Variants in SRD5A1 observed in about 807,000 individuals in gnomAD.
The protein encoded by SRD5A1 is steroid 5 alpha-reductase 1.
SRD5A1 carries 22 observed loss-of-function variants against 28.2 expected under a neutral mutation model. The ratio of observed to expected loss-of-function variants is 0.78; its 90% CI spans 0.56 to 1.12. The LOEUF is 1.12. Ranked by LOEUF, SRD5A1 falls within the 50% of genes most tolerant of loss-of-function variation. The probability of loss-of-function intolerance (pLI) is 0.00; values close to 1 mark genes in which losing one functional copy is unlikely to be tolerated. For missense variants in SRD5A1, 300 were observed against 346.7 expected, an observed-to-expected ratio of 0.87 and a Z score of 1.07; for synonymous variants, 151 against 135.0, an observed-to-expected ratio of 1.12 and a Z score of -0.82.
intron 1 of SRD5A1, among the ~76,000 whole-genome samples, chr5:6,642,516 CAT>C (rs1488707380): frequency 2.6e-5 from 4 of 152,202 alleles, no homozygotes; most frequent in Non-Finnish European, 5.9e-5. Flanking sequence ...ACTGCAAACT[CAT>C]GTGAGCATGG....
chr5:6,636,342 A>G (rs1738185153), intron 1 of SRD5A1, among the ~76,000 whole-genome samples: 2 of 152,144 alleles, frequency 1.3e-5, no homozygotes, highest in Non-Finnish European at 2.9e-5. Context: ...AGAACGGAGA[A>G]CACCACACCC....
intron 3 of SRD5A1, 30 bp from the exon 4 acceptor site, chr5:6,662,786 T>G: frequency 1.2e-6 from 2 of 1,600,768 alleles, no homozygotes; most frequent in Non-Finnish European, 1.7e-6. Context: ...TTGTAGTAAA[T>G]GCACTACTTT....
chr5:6,636,917 G>A (rs1738198568), intron 1 of SRD5A1, among the ~76,000 whole-genome samples: 1 of 152,150 alleles, frequency 6.6e-6, no homozygotes, highest in African/African-American at 2.4e-5. Flanking sequence ...CCTGGAAGGG[G>A]ACAGGGCTGG....
chr5:6,662,897 C>G lies in SRD5A1; in HGVS notation c.644C>G (p.Ser215Cys). 2.5e-6 allele frequency: 4 copies of G among 1,613,766 alleles called. No individual in the cohort carries two copies. The highest frequency in any genetic ancestry group is 3.4e-6 in the Non-Finnish European group (4 of 1,180,042). ...TGTGGCTATGCCCTGGCCAGCTGGT[C>G]TGTCCAAGGCGCGGCTTTTGCTTTC... ...EWCGYALASWSVQGAAFAFFT... is the reference protein window; with the variant it reads ...EWCGYALASWCVQGAAFAFFT... Residue 215 changes from serine (S) to cysteine (C), a missense_variant, in exon 4 of 5, where the codon TCT (serine) becomes TGT (cysteine). By Grantham distance (112) the Ser-to-Cys change is moderately radical. Transcript: ENST00000274192.
At chr5:6,640,878 C>A (rs1299878609) in intron 1 of SRD5A1, among the ~76,000 whole-genome samples, 4 of 152,204 alleles carry the variant, frequency 2.6e-5, no homozygotes, top group African/African-American at 9.7e-5. Context: ...AATCCAAGTG[C>A]TTCATAGTTT....
At chr5:6,642,423 A>C (rs1043263304) in intron 1 of SRD5A1, among the ~76,000 whole-genome samples, 1 of 152,014 alleles carries the variant, frequency 6.6e-6, no homozygotes, top group Non-Finnish European at 1.5e-5. Context: ...TTAGATGGCA[A>C]CTCTTCCACT....
At chr5:6,649,034 C>G (rs1738588024) in intron 1 of SRD5A1, among the ~76,000 whole-genome samples, 1 of 152,200 alleles carries the variant, frequency 6.6e-6, no homozygotes, top group Admixed American at 6.5e-5. Context: ...CCCTGTTTGC[C>G]TGGGTATCAC....
rs537386818 is a variant in SRD5A1 at position 6,638,747 on chromosome 5, C to T, written c.293+4878C>T. ...ATGATGAAAAGTGAAATAATGATAG[C>T]CAAGCACTTATTTTAAGCATGCTTT... On this transcript the variant is annotated intron_variant, in intron 1 of 4. Transcript: ENST00000274192. Among the ~76,000 whole-genome samples the T allele has an allele frequency of 3.9e-5, 6 of 152,318 alleles. No individual in the cohort carries two copies. The Middle Eastern group carries it at 0.017, about 432-fold the overall frequency.
chr5:6,650,137 A>T (rs1260471509), intron 1 of SRD5A1, among the ~76,000 whole-genome samples: 2 of 152,134 alleles, frequency 1.3e-5, no homozygotes, highest in East Asian at 3.9e-4. Flanking sequence ...TGTTAAATTT[A>T]TTGGTATAAG....
Position 6,672,832 on chromosome 5 carries a change from A to G in SRD5A1, c.*4564A>G, listed in dbSNP as rs1739399927. 1 of 152,248 alleles carries G rather than the reference A, an allele frequency of 6.6e-6. No homozygotes were observed. The highest frequency in any genetic ancestry group is 2.4e-5 in the African/African-American group (1 of 41,464). 9.4% of individuals were successfully genotyped at this position (152,248 alleles called of 1,614,324 possible). ...TTCTTTTATTCAACAGAATTAAAAA[A>G]CTAGCTAGTTCTCTCAATAAAATAA... On this transcript the variant is annotated 3_prime_UTR_variant, in exon 5 of 5. Coordinates refer to ENST00000274192, the MANE Select transcript of SRD5A1 (RefSeq NM_001047.4).
chr5:6,650,952 C>A (rs577544014), intron 1 of SRD5A1, among the ~76,000 whole-genome samples: 3 of 151,852 alleles, frequency 2.0e-5, no homozygotes, highest in Non-Finnish European at 4.4e-5. Flanking sequence ...TCAATTGCCC[C>A]GATTTACATT....
intron 2 of SRD5A1, among the ~76,000 whole-genome samples, chr5:6,652,515 T>A (rs565390426): frequency 1.3e-5 from 2 of 152,300 alleles, no homozygotes; most frequent in African/African-American, 4.8e-5. Flanking sequence ...TAATTATAAC[T>A]TTTTAAGTTC....
chr5:6,640,531 CTT>C, intron 1 of SRD5A1, among the ~76,000 whole-genome samples: 1 of 146,378 alleles, frequency 6.8e-6, no homozygotes. Context: ...AAGTCTTATT[CTT>C]TTTTTTTTTT....
chr5:6,650,911 G>A (rs1738653173), intron 1 of SRD5A1, among the ~76,000 whole-genome samples: 1 of 149,090 alleles, frequency 6.7e-6, no homozygotes, highest in Non-Finnish European at 1.5e-5. Context: ...TTTTGTTCTT[G>A]TGATAGTTTA....
rs920072960 is a variant in SRD5A1, at chr5:6,667,615, G to A, written c.714-587G>A. Among the ~76,000 whole-genome samples, 12 of 152,174 alleles carry A rather than the reference G, an allele frequency of 7.9e-5. No individual in the cohort carries two copies. In the South Asian group the frequency reaches 8.3e-4, roughly 11 times the overall value. ...TATTATCCCCAAAACAAATGAGCACGCCTGCATTGATACAATTTATATCAA... is the reference window on the plus strand; with the variant it reads ...TATTATCCCCAAAACAAATGAGCACACCTGCATTGATACAATTTATATCAA... On this transcript the variant is annotated intron_variant, in intron 4 of 4. Coordinates refer to ENST00000274192, the MANE Select transcript of SRD5A1 (RefSeq NM_001047.4).
chr5:6,653,137 T>G (rs373656068), intron 2 of SRD5A1, among the ~76,000 whole-genome samples: 2 of 152,318 alleles, frequency 1.3e-5, no homozygotes, highest in East Asian at 1.9e-4. Context: ...AAACTAACAC[T>G]TGGATAGTAC....
chr5:6,639,761 G>C (rs918903797), intron 1 of SRD5A1, among the ~76,000 whole-genome samples: 2 of 152,168 alleles, frequency 1.3e-5, no homozygotes, highest in Non-Finnish European at 2.9e-5. Context: ...CAGGACTTAA[G>C]ATACTTGTCA....
rs117047168 is a variant in SRD5A1, at chr5:6,668,994, T to A, written c.*726T>A. 4 of 152,378 alleles carry A rather than the reference T, an allele frequency of 2.6e-5. No individual in the cohort carries two copies. The highest frequency in any genetic ancestry group is 2.1e-4 in the South Asian group (1 of 4,826). 9.4% of individuals were successfully genotyped at this position (152,378 alleles called of 1,614,324 possible). A position where few individuals can be genotyped will look rare whatever the true frequency, so the allele number is the denominator to read the frequency against. On this transcript the variant is annotated 3_prime_UTR_variant, in exon 5 of 5. Transcript: ENST00000274192. ...CTCCTGGGCCCTAAACAGGCACCTT[T>A]AGGCCATGGGTCACTCACCGTGAGC...
intron 1 of SRD5A1, among the ~76,000 whole-genome samples, chr5:6,647,004 T>C (rs1236722712): frequency 6.6e-6 from 1 of 152,230 alleles, no homozygotes; most frequent in African/African-American, 2.4e-5. Context: ...TTAAAGAACA[T>C]CTTTATTTCT....
Sources: gnomAD v4.1 joint callset for allele counts (sites outside exome capture counted in the v4.1 genomes callset) on GRCh38, gnomAD v4.1.1 for gene constraint, MANE v1.5 for transcripts, NCBI Gene and HGNC (gene_info 2026-07-23, HGNC 2026-07-21) for gene names.